The following SOX5 variants were observed in gnomAD, a reference collection of about 807,000 sequenced individuals.
The protein encoded by SOX5 is SRY-box transcription factor 5.
SOX5 carries 9 observed loss-of-function variants against 92.0 expected under a neutral mutation model. The observed-to-expected ratio is 0.10, with a 90% CI of 0.06 to 0.17. SOX5 has a LOEUF of 0.17. Ranked by LOEUF, SOX5 falls within the 10% of genes least tolerant of loss-of-function variation. The probability of loss-of-function intolerance (pLI) is 1.00; values close to 1 mark genes in which losing one functional copy is unlikely to be tolerated. For missense variants in SOX5, 642 were observed against 944.5 expected (o/e 0.68, Z 4.20); for synonymous variants, 344 against 336.3 (o/e 1.02, Z -0.25).
At chr12:23,761,688 C>T (rs2094567673) in intron 3 of SOX5, among the ~76,000 whole-genome samples, 1 of 152,080 alleles carries the variant, frequency 6.6e-6, no homozygotes, top group African/African-American at 2.4e-5. Context: ...AATAGACGGC[C>T]AAACTCTTGA....
intron 3 of SOX5, among the ~76,000 whole-genome samples, chr12:24,258,374 G>A (rs899430840): frequency 5.9e-5 from 9 of 152,120 alleles, no homozygotes; most frequent in East Asian, 3.8e-4. Context: ...CATTTTAGAC[G>A]ACATCATGCA....
chr12:23,951,457 A>G (rs2139859705), upstream of SOX5, among the ~76,000 whole-genome samples: 1 of 151,942 alleles, frequency 6.6e-6, no homozygotes, highest in Admixed American at 6.6e-5. Flanking sequence ...TTTTTTCTGG[A>G]GACAGGCAAA....
chr12:24,313,741 C>A (rs751457038), intron 2 of SOX5, among the ~76,000 whole-genome samples: 3 of 152,140 alleles, frequency 2.0e-5, no homozygotes, highest in Non-Finnish European at 4.4e-5. Flanking sequence ...CTCTTTCTTT[C>A]CATTTTTGTC....
intron 9 of SOX5, among the ~76,000 whole-genome samples, chr12:23,602,332 A>G (rs148098258): frequency 0.01 from 1,534 of 152,254 alleles, 31 homozygotes; most frequent in African/African-American, 0.035. Context: ...TAATCTTAGC[A>G]AAGCAAACCT....
At chr12:24,278,970 G>C (rs568894115) in intron 2 of SOX5, among the ~76,000 whole-genome samples, 1 of 151,484 alleles carries the variant, frequency 6.6e-6, no homozygotes, top group South Asian at 2.1e-4. Context: ...AAGTGGAACA[G>C]TGAAATTTTG....
intron 2 of SOX5, among the ~76,000 whole-genome samples, chr12:24,326,070 A>C (rs1286652541): frequency 6.6e-6 from 1 of 152,202 alleles, no homozygotes; most frequent in Non-Finnish European, 1.5e-5. Context: ...CATCATCTCT[A>C]AAACAAGGAC....
At chr12:23,602,756 AT>A (rs2074676014) in intron 9 of SOX5, among the ~76,000 whole-genome samples, 1 of 152,044 alleles carries the variant, frequency 6.6e-6, no homozygotes, top group African/African-American at 2.4e-5. Context: ...TCCAAAGTAC[AT>A]TTTTCTTTAC....
chr12:24,470,548 A>G (rs952464819), intron 1 of SOX5, among the ~76,000 whole-genome samples: 8 of 146,914 alleles, frequency 5.4e-5, no homozygotes, highest in African/African-American at 2.0e-4. Context: ...CAGTGAGAGA[A>G]CTAGAAAGGG....
At chr12:24,515,867 T>C (rs1949733993) in intron 1 of SOX5, among the ~76,000 whole-genome samples, 1 of 152,198 alleles carries the variant, frequency 6.6e-6, no homozygotes, top group East Asian at 1.9e-4. Flanking sequence ...AATATACATT[T>C]GTCTGTGACT....
intron 2 of SOX5, among the ~76,000 whole-genome samples, chr12:24,316,932 T>A (rs1482990424): frequency 2.0e-5 from 3 of 152,060 alleles, no homozygotes; most frequent in African/African-American, 7.2e-5. Context: ...TTTTTGTAGG[T>A]TTTAGCTTTT....
chr12:24,076,699 C>CTTTTTTT (rs11302877), intron 4 of SOX5, among the ~76,000 whole-genome samples: 8 of 102,864 alleles, frequency 7.8e-5, no homozygotes, highest in African/African-American at 1.1e-4. Flanking sequence ...CCAAAGCTGC[C>CTTTTTTT]TTTTTTTTTT....
chr12:24,472,516 A>G (rs962729875), intron 1 of SOX5, among the ~76,000 whole-genome samples: 1 of 152,202 alleles, frequency 6.6e-6, no homozygotes, highest in African/African-American at 2.4e-5. Flanking sequence ...CAGATGCTTT[A>G]CTTCAATTTT....
At position 24,450,497 on chromosome 12, in the gene SOX5, T is replaced by TTG. The variant is rs1566194951; in HGVS notation, c.-250-81859_-250-81858insCA. Reference sequence around the variant, plus strand: ...TTATTTATTTATTTATTTATTTATTTATTTATTTATTTATTGAGACAGAGT... The same window carrying TTG: ...TTATTTATTTATTTATTTATTTATTTTGATTTATTTATTTATTGAGACAGAGT... On this transcript the variant is annotated intron_variant, in intron 1 of 4. Transcript: ENST00000446891. 1.3e-4 allele frequency among the ~76,000 whole-genome samples: 19 copies of TTG among 151,020 alleles called. No homozygotes were observed. The East Asian group carries it at 1.8e-3, about 14-fold the overall frequency.
chr12:24,082,670 T>C (rs12371300), intron 4 of SOX5, among the ~76,000 whole-genome samples: 6,857 of 151,762 alleles, frequency 0.045, 142 homozygotes, highest in Middle Eastern at 0.061. Flanking sequence ...TTTCTACAGA[T>C]AATGAGAAGA....
chr12:24,429,761 T>G (rs1438695397), intron 1 of SOX5, among the ~76,000 whole-genome samples: 1 of 152,144 alleles, frequency 6.6e-6, no homozygotes. Context: ...AATACACAAA[T>G]GTTATTTTGT....
chr12:24,320,871 A>AAAT lies in SOX5; in HGVS notation c.-173-43562_-173-43560dup, dbSNP rs931920621. Reference sequence around the variant, plus strand: ...CAGAGCAAGACTCTGTCTCAAAAAAAAATAATAATAATAATAATAATAATA... The same window carrying AAAT: ...CAGAGCAAGACTCTGTCTCAAAAAAAAATAATAATAATAATAATAATAATAATA... On this transcript the variant is annotated intron_variant, in intron 2 of 4. Transcript: ENST00000446891. Among the ~76,000 whole-genome samples the AAAT allele has an allele frequency of 6.1e-3, 900 of 148,276 alleles. 11 individuals carry two copies. The highest frequency in any genetic ancestry group is 0.02 in the African/African-American group (817 of 40,224).
intron 1 of SOX5, among the ~76,000 whole-genome samples, chr12:24,375,404 A>G (rs1056082517): frequency 3.3e-5 from 5 of 152,062 alleles, no homozygotes; most frequent in Non-Finnish European, 7.4e-5. Context: ...TTCACTTTTT[A>G]TTCCCTTTCA....
At chr12:24,358,352 A>C (rs1177460791) in intron 2 of SOX5, among the ~76,000 whole-genome samples, 1 of 152,376 alleles carries the variant, frequency 6.6e-6, no homozygotes, top group Non-Finnish European at 1.5e-5. Context: ...CAATCCAATA[A>C]TCATTAGTGA....
chr12:23,705,741 G>T (rs779651903), intron 6 of SOX5, among the ~76,000 whole-genome samples: 4 of 151,978 alleles, frequency 2.6e-5, no homozygotes, highest in East Asian at 1.9e-4. Context: ...GTAACTTTAC[G>T]TAAGAAAAGA....
Sources: gnomAD v4.1 joint callset for allele counts (sites outside exome capture counted in the v4.1 genomes callset) on GRCh38, gnomAD v4.1.1 for gene constraint, MANE v1.5 for transcripts, NCBI Gene and HGNC (gene_info 2026-07-23, HGNC 2026-07-21) for gene names.